Variants in SUFU observed in about 807,000 individuals in gnomAD.
The protein encoded by SUFU is suppressor of fused homolog.
SUFU carries 7 observed loss-of-function variants against 58.9 expected under a neutral mutation model. That is an observed-to-expected ratio of 0.12 (90% CI 0.07 to 0.22). The LOEUF is 0.22. Among genes scored for constraint, SUFU ranks in the 10% least tolerant of loss-of-function variants. The pLI, the probability that SUFU is intolerant of heterozygous loss-of-function variation, is 1.00. For synonymous variants in SUFU, 232 were observed against 254.8 expected, an observed-to-expected ratio of 0.91 and a Z score of 0.85; for missense variants, 451 against 641.3, an observed-to-expected ratio of 0.70 and a Z score of 3.20.
intron 10 of SUFU, among the ~76,000 whole-genome samples, chr10:102,626,454 A>G (rs1221693847): frequency 1.3e-5 from 2 of 152,160 alleles, no homozygotes; most frequent in Non-Finnish European, 2.9e-5. Flanking sequence ...GTCAGACTAG[A>G]ACAGCAACGT....
In SUFU at chr10:102,632,333, C is replaced by T. The variant is rs1022632869; in HGVS notation, c.*2178C>T. The T allele has an allele frequency of 1.4e-4, 32 of 233,310 alleles. No homozygotes were observed. The highest frequency in any genetic ancestry group is 5.4e-4 in the South Asian group (3 of 5,536). The allele number at this position is 233,310 out of a possible 1,614,324, so 14.5% of individuals were successfully genotyped here. On this transcript the variant is annotated 3_prime_UTR_variant, in exon 12 of 12. Coordinates refer to ENST00000369902, the MANE Select transcript of SUFU (RefSeq NM_016169.4). ...AAGGCAGGAGGAAGTGGGTGAGCTC[C>T]GAGATGATGAGCACATGAAGCCTGT...
intron 2 of SUFU, among the ~76,000 whole-genome samples, chr10:102,509,829 G>A (rs892831279): frequency 7.9e-5 from 12 of 151,648 alleles, no homozygotes; most frequent in African/African-American, 2.9e-4. Context: ...GTCTGCTTCC[G>A]TTTGTTGCCC....
In SUFU at chr10:102,619,365, C is replaced by G. The variant is rs570639236; in HGVS notation, c.1296+1937C>G. ...CCCGCTGGCTCCCCAGCACATGGTCCCCTCCCATGGGCTGTTGCCCAGGGA... is the reference window on the plus strand; with the variant it reads ...CCCGCTGGCTCCCCAGCACATGGTCGCCTCCCATGGGCTGTTGCCCAGGGA... On this transcript the variant is annotated intron_variant, in intron 10 of 11. Coordinates refer to ENST00000369902, the MANE Select transcript of SUFU (RefSeq NM_016169.4). This position sits in a 1 kb window ranked among gnomAD's most constrained non-coding sequence, Gnocchi z 4.2. 6.4e-5 allele frequency: 91 copies of G among 1,414,868 alleles called. 1 individual carries two copies. The South Asian group carries it at 1.2e-3, about 19-fold the overall frequency. The allele number at this position is 1,414,868 out of a possible 1,614,324, so 87.6% of individuals were successfully genotyped here. A position where few individuals can be genotyped will look rare whatever the true frequency, so the allele number is the denominator to read the frequency against.
At chr10:102,582,396 T>C (rs2063290625) in intron 3 of SUFU, among the ~76,000 whole-genome samples, 1 of 152,168 alleles carries the variant, frequency 6.6e-6, no homozygotes, top group South Asian at 2.1e-4. Context: ...TTACAAACAA[T>C]AGCTGTTTTC....
intron 2 of SUFU, among the ~76,000 whole-genome samples, chr10:102,525,492 T>C (rs2062599400): frequency 6.6e-6 from 1 of 151,852 alleles, no homozygotes; most frequent in Admixed American, 6.6e-5. Flanking sequence ...ACTTAATTTA[T>C]TTTCTTTTTT....
chr10:102,518,515 G>GTCTATCTA (rs534274959), intron 2 of SUFU, among the ~76,000 whole-genome samples: 15,836 of 113,826 alleles, frequency 0.14, 980 homozygotes, highest in Middle Eastern at 0.17. Flanking sequence ...CTGTCTGTCT[G>GTCTATCTA]TCTGTCTATC....
chr10:102,630,014 G>T, intron 11 of SUFU, 52 bp from the exon 12 acceptor site: 2 of 1,531,394 alleles, frequency 1.3e-6, no homozygotes, highest in Non-Finnish European at 1.8e-6. Flanking sequence ...AAAGACCACG[G>T]TGTATTCTGC....
chr10:102,585,340 T>C (rs1425889754), intron 3 of SUFU, among the ~76,000 whole-genome samples: 2 of 152,248 alleles, frequency 1.3e-5, no homozygotes, highest in Non-Finnish European at 2.9e-5. Flanking sequence ...AGGTCTATTA[T>C]GACTGGCTTT....
rs2063822166 is a variant in SUFU, at chr10:102,629,892, C to T, written c.1366-174C>T. Among the ~76,000 whole-genome samples, 1 of 152,210 alleles carries T rather than the reference C, an allele frequency of 6.6e-6. No individual in the cohort carries two copies. The highest frequency in any genetic ancestry group is 2.4e-5 in the African/African-American group (1 of 41,446). The stretch of plus-strand genomic sequence containing the variant: ...TGGGGAAAGAAGGGGTCACCAACTC[C>T]AGCCGTTTGAGCCCAGCCTGCCACC... On this transcript the variant is annotated intron_variant, in intron 11 of 11. Transcript: ENST00000369902. The surrounding 1 kb of genome is among the most constrained non-coding windows in gnomAD (Gnocchi z 4.7).
At chr10:102,519,743 T>G (rs2062525053) in intron 2 of SUFU, among the ~76,000 whole-genome samples, 1 of 152,158 alleles carries the variant, frequency 6.6e-6, no homozygotes, top group Non-Finnish European at 1.5e-5. Flanking sequence ...ATTCCTTTAA[T>G]GATTTATTTT....
chr10:102,565,186 C>G (rs1174041816), intron 3 of SUFU, among the ~76,000 whole-genome samples: 1 of 152,202 alleles, frequency 6.6e-6, no homozygotes, highest in Non-Finnish European at 1.5e-5. Context: ...CTAGTTGTAA[C>G]AAGAATGATA....
At chr10:102,566,308 G>A (rs2063088585) in intron 3 of SUFU, among the ~76,000 whole-genome samples, 1 of 152,148 alleles carries the variant, frequency 6.6e-6, no homozygotes, top group South Asian at 2.1e-4. Context: ...TCCTAATGCA[G>A]ACCCTAGCAT....
chr10:102,546,266 A>G (rs1038745096), intron 2 of SUFU, among the ~76,000 whole-genome samples: 1 of 152,116 alleles, frequency 6.6e-6, no homozygotes, highest in Non-Finnish European at 1.5e-5. Context: ...TTGAGCAGGA[A>G]ACAATCTTGA....
intron 2 of SUFU, among the ~76,000 whole-genome samples, chr10:102,538,336 C>T (rs2062764468): frequency 6.9e-6 from 1 of 145,402 alleles, no homozygotes; most frequent in African/African-American, 2.6e-5. Flanking sequence ...ACTGAATATA[C>T]TTATGCAAGA....
At chr10:102,574,793 G>A (rs530786026) in intron 3 of SUFU, among the ~76,000 whole-genome samples, 187 of 152,174 alleles carry the variant, frequency 1.2e-3, no homozygotes, top group African/African-American at 4.0e-3. Context: ...GGGCACAGTG[G>A]CTCCTGTAAT....
At chr10:102,559,972 G>A (rs1384952434) in intron 3 of SUFU, among the ~76,000 whole-genome samples, 7 of 152,272 alleles carry the variant, frequency 4.6e-5, no homozygotes, top group Middle Eastern at 3.4e-3. Context: ...TGAGTGGCTC[G>A]ATTTCTGAGT....
In SUFU at chr10:102,633,491, G is replaced by A. The variant is rs1209543947; in HGVS notation, c.*3336G>A. 9.2e-6 allele frequency: 2 copies of A among 216,946 alleles called. No homozygotes were observed. The highest frequency in any genetic ancestry group is 4.5e-5 in the African/African-American group (2 of 44,334). 13.4% of individuals were successfully genotyped at this position (216,946 alleles called of 1,614,324 possible). On this transcript the variant is annotated 3_prime_UTR_variant, in exon 12 of 12. Coordinates refer to ENST00000369902, the MANE Select transcript of SUFU (RefSeq NM_016169.4). ...GTGTGCTCATTTCTGGCTGCCTGAA[G>A]TAGTGGAGCCGGAAGCCCGGGGCCC...
At chr10:102,614,611 C>T (rs1164514138) in intron 8 of SUFU, among the ~76,000 whole-genome samples, 1 of 148,692 alleles carries the variant, frequency 6.7e-6, no homozygotes, top group East Asian at 2.0e-4. Context: ...TGCAGTGGCT[C>T]ACGCCTATAA....
At chr10:102,554,317 C>A (rs2062951419) in intron 3 of SUFU, among the ~76,000 whole-genome samples, 1 of 152,094 alleles carries the variant, frequency 6.6e-6, no homozygotes, top group African/African-American at 2.4e-5. Flanking sequence ...GCAGGAGAAT[C>A]ACTTGAACCT....
Sources: gnomAD v4.1 joint callset for allele counts (sites outside exome capture counted in the v4.1 genomes callset) on GRCh38, gnomAD v4.1.1 for gene constraint, Gnocchi (gnomAD v3.1) non-coding constraint, MANE v1.5 for transcripts, NCBI Gene and HGNC (gene_info 2026-07-23, HGNC 2026-07-21) for gene names.